Variants in EYS observed in about 807,000 individuals in gnomAD.
EYS encodes the protein protein eyes shut homolog.
A neutral mutation model predicts 282.1 loss-of-function variants in EYS; 250 were observed. The observed-to-expected ratio is 0.89, with a 90% CI of 0.80 to 0.98. The LOEUF is 0.98. Ranked by LOEUF, EYS falls within the 50% of genes least tolerant of loss-of-function variation. The pLI, the probability that EYS is intolerant of heterozygous loss-of-function variation, is 0.00. For synonymous variants in EYS, 1,355 were observed against 1,282.9 expected (o/e 1.06, Z -1.20); for missense variants, 4,016 against 3,709.0 (o/e 1.08, Z -2.15).
chr6:64,220,630 G>A (rs1388581150), intron 31 of EYS, among the ~76,000 whole-genome samples: 1 of 152,134 alleles, frequency 6.6e-6, no homozygotes, highest in Non-Finnish European at 1.5e-5. Context: ...TCAGGACATG[G>A]TAGGAAAAAT....
At chr6:65,346,171 G>T (rs888779003) in intron 9 of EYS, among the ~76,000 whole-genome samples, 1 of 151,718 alleles carries the variant, frequency 6.6e-6, no homozygotes, top group African/African-American at 2.4e-5. Flanking sequence ...CCCTGTCATA[G>T]AGCTCCAGTC....
intron 13 of EYS, among the ~76,000 whole-genome samples, chr6:65,034,097 C>T (rs1417480273): frequency 2.6e-5 from 4 of 152,190 alleles, no homozygotes; most frequent in African/African-American, 4.8e-5. Context: ...TGAACTTGCA[C>T]GGGGCCTGTA....
At chr6:64,123,468 G>A (rs1375126292) in intron 31 of EYS, among the ~76,000 whole-genome samples, 6 of 152,108 alleles carry the variant, frequency 3.9e-5, no homozygotes, top group Non-Finnish European at 5.9e-5. Flanking sequence ...AATGAACGCC[G>A]GAAAATAAAA....
At chr6:64,005,209 T>C (rs1582116866) in intron 33 of EYS, among the ~76,000 whole-genome samples, 4 of 152,332 alleles carry the variant, frequency 2.6e-5, no homozygotes, top group South Asian at 2.1e-4. Context: ...ATTTCTATAA[T>C]AATTAGTGAT....
intron 26 of EYS, among the ~76,000 whole-genome samples, chr6:64,573,357 C>T (rs935084801): frequency 6.6e-6 from 1 of 152,132 alleles, no homozygotes. Context: ...CCATTCAGCA[C>T]ATAGGTATGG....
chr6:65,639,132 G>C (rs1168700300), intron 2 of EYS, among the ~76,000 whole-genome samples: 1 of 152,106 alleles, frequency 6.6e-6, no homozygotes, highest in Non-Finnish European at 1.5e-5. Flanking sequence ...CCAAATCTAA[G>C]AGAAAAAGTA....
intron 14 of EYS, among the ~76,000 whole-genome samples, chr6:64,988,829 T>C (rs1241524397): frequency 6.6e-6 from 1 of 151,536 alleles, no homozygotes; most frequent in Non-Finnish European, 1.5e-5. Flanking sequence ...GATATGAAAA[T>C]ATATTAATAT....
chr6:63,806,439 G>A, intron 36 of EYS, 67 bp from the exon 37 acceptor site: 13 of 1,363,922 alleles, frequency 9.5e-6, no homozygotes, highest in South Asian at 3.1e-5. Flanking sequence ...TGAGGGTTAC[G>A]TTTTGCTGAT....
intron 5 of EYS, among the ~76,000 whole-genome samples, chr6:65,450,332 A>G (rs9354245): frequency 6.6e-6 from 1 of 152,022 alleles, no homozygotes; most frequent in South Asian, 2.1e-4. Context: ...CAGGGGGAAA[A>G]GCAGTCATTC....
At chr6:63,958,910 C>G (rs550875931) in intron 35 of EYS, among the ~76,000 whole-genome samples, 3 of 152,292 alleles carry the variant, frequency 2.0e-5, no homozygotes, top group Middle Eastern at 6.8e-3. Flanking sequence ...GCTGACAATG[C>G]ACCTGGACAC....
chr6:65,132,038 C>A (rs1388913463), intron 12 of EYS, among the ~76,000 whole-genome samples: 1 of 151,880 alleles, frequency 6.6e-6, no homozygotes, highest in South Asian at 2.1e-4. Flanking sequence ...ATTCCCTGAA[C>A]AGACCAATAA....
chr6:64,424,945 A>T (rs796647691), intron 28 of EYS, among the ~76,000 whole-genome samples: 6 of 152,336 alleles, frequency 3.9e-5, no homozygotes, highest in African/African-American at 1.4e-4. Flanking sequence ...TTTTAACCTA[A>T]AATTTGAAGA....
chr6:64,904,315 C>T (rs901971014), intron 16 of EYS, among the ~76,000 whole-genome samples: 2 of 152,094 alleles, frequency 1.3e-5, no homozygotes, highest in African/African-American at 4.8e-5. Flanking sequence ...TTTTGTAATT[C>T]GTTCATACGC....
chr6:64,618,570 C>A (rs895912144), intron 23 of EYS, among the ~76,000 whole-genome samples: 12 of 152,096 alleles, frequency 7.9e-5, no homozygotes, highest in Non-Finnish European at 1.6e-4. Flanking sequence ...TCTGATTGTT[C>A]TTCCCTGATA....
At chr6:65,308,243 C>T in intron 11 of EYS, among the ~76,000 whole-genome samples, 1 of 59,740 alleles carries the variant, frequency 1.7e-5, no homozygotes. Flanking sequence ...TCCCAAAGTG[C>T]TAGAATTACA....
intron 22 of EYS, among the ~76,000 whole-genome samples, chr6:64,656,130 C>T (rs1768734308): frequency 6.6e-6 from 1 of 151,958 alleles, no homozygotes; most frequent in Non-Finnish European, 1.5e-5. Context: ...CAGTGATGAG[C>T]ACCATGGACA....
chr6:63,885,713 G>C (rs545015929), intron 35 of EYS, among the ~76,000 whole-genome samples: 2 of 152,250 alleles, frequency 1.3e-5, no homozygotes, highest in South Asian at 4.1e-4. Context: ...CATGGGAACT[G>C]AGTGAGTTCC....
At chr6:64,292,017 C>G (rs1768733594) in intron 30 of EYS, among the ~76,000 whole-genome samples, 1 of 152,080 alleles carries the variant, frequency 6.6e-6, no homozygotes, top group Admixed American at 6.6e-5. Flanking sequence ...ATATTATTGT[C>G]TCCACTTTAT....
chr6:64,691,432 C>T (rs1278307688), intron 22 of EYS, among the ~76,000 whole-genome samples: 1 of 152,086 alleles, frequency 6.6e-6, no homozygotes, highest in African/African-American at 2.4e-5. Context: ...TTTCAGAATA[C>T]AGTATATATG....
Sources: gnomAD v4.1 joint callset for allele counts (sites outside exome capture counted in the v4.1 genomes callset) on GRCh38, gnomAD v4.1.1 for gene constraint, MANE v1.5 for transcripts, NCBI Gene and HGNC (gene_info 2026-07-23, HGNC 2026-07-21) for gene names.